NEB: variants seen among roughly 807,000 people sequenced by gnomAD.
NEB encodes the protein nemaline myopathy type 2.
NEB carries 512 observed loss-of-function variants against 952.2 expected under a neutral mutation model. The observed-to-expected ratio is 0.54, with a 90% CI of 0.50 to 0.58. NEB has a LOEUF of 0.58. Ranked by LOEUF, NEB falls within the 20% of genes least tolerant of loss-of-function variation. The probability of loss-of-function intolerance (pLI) is 0.00; values close to 1 mark genes in which losing one functional copy is unlikely to be tolerated. For synonymous variants in NEB, 2,900 were observed against 3,149.8 expected (o/e 0.92, Z 2.66); for missense variants, 8,428 against 9,231.1 (o/e 0.91, Z 3.56).
intron 113 of NEB, among the ~76,000 whole-genome samples, 186 bp from the exon 114 acceptor site, chr2:151,567,665 A>T (rs1460012503): frequency 6.6e-6 from 1 of 152,310 alleles, no homozygotes; most frequent in African/African-American, 2.4e-5. Flanking sequence ...CCATTTAAAA[A>T]TAGAAAAATA....
chr2:151,711,504 G>A (rs1249887300), intron 10 of NEB, among the ~76,000 whole-genome samples: 1 of 152,202 alleles, frequency 6.6e-6, no homozygotes, highest in Non-Finnish European at 1.5e-5. Context: ...GCTTGGGTTA[G>A]AGGAAACTTA....
chr2:151,537,665 A>G (rs2093408539), intron 140 of NEB, among the ~76,000 whole-genome samples: 2 of 152,190 alleles, frequency 1.3e-5, no homozygotes, highest in Admixed American at 6.5e-5. Context: ...CATTTAGGAG[A>G]AAAATGAGGT....
rs759555138 is a variant in NEB, at chr2:151,524,356, G to A, written c.22434C>T (p.Arg7478=). 2 of 1,613,882 alleles carry A rather than the reference G, an allele frequency of 1.2e-6. No individual in the cohort carries two copies. Among genetic ancestry groups the A allele is most frequent in the Admixed American group, 3.3e-5 (2 of 60,016 alleles). ...CCTTCTTGGCCATTTCTATGTCTGG[G>A]CGACCGAGCATGCTTAAGCCATGGC... ...EGSHGLSMLG[R]PDIEMAKKAA... is the part of the protein sequence containing the mutation. The change falls in exon 153 of 182, where the codon CGC becomes CGT. Residue 7478 remains arginine (R), a synonymous_variant. Transcript: ENST00000397345.
Position 151,694,370 on chromosome 2 carries a change from C to T in NEB, c.1849G>A (p.Asp617Asn). ...KMIGVLSIND[D>N]PKMLHSLKVA... is the part of the protein sequence containing the mutation. ...TTCAAGGAGTGCAGCATCTTGGGAT[C>T]GTCATTAATGCTGAGGACTCCAATC... Residue 617 changes from aspartate to asparagine, a missense_variant, in exon 20 of 182, where the codon GAT becomes AAT. By Grantham distance (23) the Asp-to-Asn change is conservative. Coordinates refer to ENST00000397345, the MANE Select transcript of NEB (RefSeq NM_001164508.2). The T allele has an allele frequency of 1.9e-6, 3 of 1,613,970 alleles. No homozygotes were observed. Among genetic ancestry groups the T allele is most frequent in the South Asian group, 2.2e-5 (2 of 91,070 alleles).
chr2:151,650,323 A>G lies in NEB; in HGVS notation c.7284T>C (p.Gly2428=). The G allele has an allele frequency of 6.2e-7, 1 of 1,613,820 alleles. No homozygotes were observed. Among genetic ancestry groups the G allele is most frequent in the Admixed American group, 1.7e-5 (1 of 59,980 alleles). ...GCTTGTTCTTTTCTGCCTCTAAAGA[A>G]CCCAAGGGACTCCATCCTATGCCTC... ...WLRGIGWSPL[G]SLEAEKNKRA... is the part of the protein sequence containing the mutation. Residue 2428 remains glycine, a synonymous_variant, in exon 54 of 182, where the codon GGT becomes GGC. Transcript: ENST00000397345.
At position 151,642,809 on chromosome 2, in the gene NEB, G is replaced by A. The variant is rs1259955139; in HGVS notation, c.8221C>T (p.Pro2741Ser). The A allele has an allele frequency of 1.9e-6, 3 of 1,612,968 alleles. No homozygotes were observed. Among genetic ancestry groups the A allele is most frequent in the Admixed American group, 3.3e-5 (2 of 59,932 alleles). Residue 2741 changes from proline to serine, a missense_variant, in exon 59 of 182, where the codon CCT becomes TCT. Around this residue, in one of 11 missense-constraint regions of NEB, gnomAD observed 1,772 missense variants for 1,960.3 expected, o/e 0.90. Coordinates refer to ENST00000397345, the MANE Select transcript of NEB (RefSeq NM_001164508.2). ...KTTVHIMPDT[P>S]EVLLAKQNKV... is the part of the protein sequence containing the mutation. ...TTTTGTTTAGCTAATAAAACTTCAG[G>A]GGTATCTGGCATAATGTGGACAGTG...
rs928533634 is a variant in NEB, at chr2:151,630,897, CTG to C, written c.9619-80_9619-79del. On this transcript the variant is annotated intron_variant, in intron 66 of 181. Transcript: ENST00000397345. ...AAAAGTTCATTTAAAACTGTTATTA[CTG>C]ACCTAATTAGGAAAAATAAGCCAGA... is the stretch of plus-strand genomic sequence containing the variant. 2.1e-5 allele frequency: 28 copies of C among 1,333,510 alleles called. No homozygotes were observed. The African/African-American group carries it at 3.9e-4, about 18-fold the overall frequency. 82.6% of individuals were successfully genotyped at this position (1,333,510 alleles called of 1,614,324 possible).
chr2:151,518,250 A>G, intron 156 of NEB, 68 bp downstream of exon 156: 1 of 1,145,994 alleles, frequency 8.7e-7, no homozygotes, highest in Non-Finnish European at 1.3e-6. Flanking sequence ...GGAATCTATG[A>G]AATTTTTTTT....
intron 20 of NEB, among the ~76,000 whole-genome samples, chr2:151,693,808 T>C (rs2099575914): frequency 6.6e-6 from 1 of 152,192 alleles, no homozygotes; most frequent in Non-Finnish European, 1.5e-5. Context: ...TTTTAATAAG[T>C]ATGTTAAAGT....
At position 151,524,287 on chromosome 2, in the gene NEB, C is replaced by G. The variant is rs775962646; in HGVS notation, c.22479+24G>C. 5 of 1,585,390 alleles carry G rather than the reference C, an allele frequency of 3.2e-6. No individual in the cohort carries two copies. The African/African-American group carries it at 5.4e-5, about 17-fold the overall frequency. ...TTTTATAATCTCCTCACATGAGAGC[C>G]ACCAGTGCACCCATCTGCATTACCT... is the stretch of plus-strand genomic sequence containing the variant. On this transcript the variant is annotated intron_variant, in intron 153 of 181. Transcript: ENST00000397345.
rs186511119 is a variant in NEB, at chr2:151,527,337, G to A, written c.21840+144C>T. 3.3e-5 allele frequency: 24 copies of A among 732,610 alleles called. No individual in the cohort carries two copies. The East Asian group carries it at 4.9e-4, about 15-fold the overall frequency. The allele number at this position is 732,610 out of a possible 1,614,324, so 45.4% of individuals were successfully genotyped here. A position where few individuals can be genotyped will look rare whatever the true frequency, so the allele number is the denominator to read the frequency against. ...GGTTTGGGTTCTGAGCTCGCCTATC[G>A]CTCCCCCAACCATCCTCCTCTCCTT... On this transcript the variant is annotated intron_variant, in intron 147 of 181. Coordinates refer to ENST00000397345, the MANE Select transcript of NEB (RefSeq NM_001164508.2).
chr2:151,688,311 T>C lies in NEB; in HGVS notation c.2396A>G (p.Asn799Ser), dbSNP rs1232378554. Residue 799 changes from asparagine (N) to serine (S), a missense_variant, in exon 25 of 182, where the codon AAT (asparagine) becomes AGT (serine). This residue lies in a region of NEB where 2,851 missense variants were observed against 2,791.5 expected (regional missense o/e 1.02). Coordinates refer to ENST00000397345, the MANE Select transcript of NEB (RefSeq NM_001164508.2). ...DAPQFIQHRV[N>S]AYNLSDNVYK... ...ACTTACATCACTCAGATTATAGGCA[T>C]TGACTCTGTGTTGGATAAACTGTGG... 1 of 1,613,000 alleles carries C rather than the reference T, an allele frequency of 6.2e-7. No homozygotes were observed. Among genetic ancestry groups the C allele is most frequent in the Admixed American group, 1.7e-5 (1 of 60,002 alleles).
At chr2:151,577,861 G>A (rs2096934786) in intron 105 of NEB, among the ~76,000 whole-genome samples, 1 of 152,162 alleles carries the variant, frequency 6.6e-6, no homozygotes, top group African/African-American at 2.4e-5. Context: ...TTACAGGTGT[G>A]AGCCACAGCG....
intron 72 of NEB, 87 bp downstream of exon 72, chr2:151,620,832 A>G: frequency 2.0e-6 from 2 of 1,016,946 alleles, no homozygotes; most frequent in Non-Finnish European, 2.9e-6. Flanking sequence ...AAGGGAGTTA[A>G]GGTGGATGAT....
In NEB at chr2:151,535,751, C is replaced by G. The variant is rs1202265375; in HGVS notation, c.21252G>C (p.Lys7084Asn). Residue 7084 changes from lysine to asparagine, a missense_variant, in exon 142 of 182, where the codon AAG becomes AAC. Lys to Asn is a moderately conservative substitution (Grantham distance 94). Coordinates refer to ENST00000397345, the MANE Select transcript of NEB (RefSeq NM_001164508.2). ...TATTGATCGGAGAGTCGGCAACATACTTGAAATCTGACTTTGTCCTTTCAA... is the reference window on the plus strand; with the variant it reads ...TATTGATCGGAGAGTCGGCAACATAGTTGAAATCTGACTTTGTCCTTTCAA... The part of the protein sequence containing the change: ...EVFERTKSDF[K>N]YVADSPINRH... The G allele has an allele frequency of 6.2e-7, 1 of 1,608,596 alleles. No homozygotes were observed. The highest frequency in any genetic ancestry group is 8.5e-7 in the Non-Finnish European group (1 of 1,177,046).
chr2:151,549,475 A>G (rs1167884838), intron 130 of NEB, among the ~76,000 whole-genome samples, 161 bp downstream of exon 130: 1 of 152,236 alleles, frequency 6.6e-6, no homozygotes, highest in Non-Finnish European at 1.5e-5. Context: ...TCAATTGCAC[A>G]GCACCCCTCA....
At chr2:151,498,487 C>CAACCTG in intron 169 of NEB, 135 bp from the exon 170 acceptor site, 1 of 628,228 alleles carries the variant, frequency 1.6e-6, no homozygotes, top group Middle Eastern at 2.6e-4. Context: ...CTTTTAGACT[C>CAACCTG]AACCTGTTTG....
At position 151,610,703 on chromosome 2, in the gene NEB, C is replaced by T. The variant is rs536129128; in HGVS notation, c.11910+59G>A. On this transcript the variant is annotated intron_variant, in intron 79 of 181. Coordinates refer to ENST00000397345, the MANE Select transcript of NEB (RefSeq NM_001164508.2). Reference sequence around the variant, plus strand: ...GCCAATTCCAGAAAGGAAATTGTTACGGTGGAAAAAGCATTTTAATTAATC... The same window carrying T: ...GCCAATTCCAGAAAGGAAATTGTTATGGTGGAAAAAGCATTTTAATTAATC... The T allele has an allele frequency of 4.4e-5, 70 of 1,577,280 alleles. No homozygotes were observed. The Middle Eastern group carries it at 5.0e-4, about 11-fold the overall frequency.
chr2:151,625,947 T>C (rs4664065), intron 70 of NEB, among the ~76,000 whole-genome samples: 93,245 of 151,964 alleles, frequency 0.61, 29,188 homozygotes, highest in East Asian at 0.79. Context: ...CAAGTATTTC[T>C]CAAGCATATA....
Sources: allele counts gnomAD v4.1 joint callset (sites outside exome capture counted in the v4.1 genomes callset), GRCh38; gene constraint gnomAD v4.1.1; regional missense constraint gnomAD v4.1.1; transcripts MANE v1.5; gene names NCBI Gene and HGNC (gene_info 2026-07-23, HGNC 2026-07-21).